The following ERMP1 variants were observed in gnomAD, a reference collection of about 807,000 sequenced individuals.
ERMP1 encodes the protein endoplasmic reticulum metallopeptidase 1.
ERMP1 carries 86 observed loss-of-function variants against 92.0 expected under a neutral mutation model. That is an observed-to-expected ratio of 0.93 (90% CI 0.79 to 1.12). ERMP1 has a LOEUF of 1.12. Ranked by LOEUF, ERMP1 falls within the 50% of genes most tolerant of loss-of-function variation. The probability of loss-of-function intolerance (pLI) is 0.00; values close to 1 mark genes in which losing one functional copy is unlikely to be tolerated. For synonymous variants in ERMP1, 530 were observed against 412.8 expected, an observed-to-expected ratio of 1.28 and a Z score of -3.44; for missense variants, 1,342 against 1,116.3, an observed-to-expected ratio of 1.20 and a Z score of -2.88.
chr9:5,844,350 C>T (rs541845645), intron 6 of ERMP1, among the ~76,000 whole-genome samples: 139 of 152,348 alleles, frequency 9.1e-4, no homozygotes, highest in South Asian at 2.3e-3. Flanking sequence ...TTTCAGTTCA[C>T]TGCAACCTCT....
At chr9:5,834,682 C>G (rs889804277), upstream of ERMP1, among the ~76,000 whole-genome samples, 7 of 138,966 alleles carry the variant, frequency 5.0e-5, no homozygotes, top group African/African-American at 1.9e-4. Flanking sequence ...AGCCCATGGT[C>G]ATAACTATAT....
intron 4 of ERMP1, among the ~76,000 whole-genome samples, chr9:5,822,961 T>A (rs1396647216): frequency 1.3e-5 from 2 of 152,196 alleles, no homozygotes; most frequent in Non-Finnish European, 2.9e-5. Context: ...TAAGTTGATA[T>A]CCTTAGAAAA....
intron 4 of ERMP1, among the ~76,000 whole-genome samples, chr9:5,818,091 G>A (rs2131253096): frequency 6.6e-6 from 1 of 151,882 alleles, no homozygotes; most frequent in Non-Finnish European, 1.5e-5. Flanking sequence ...GAGCCCAGGA[G>A]CTGGAGAACT....
At chr9:5,805,811 A>G (rs766220191) in intron 8 of ERMP1, 26 bp from the exon 9 acceptor site, 14 of 1,550,794 alleles carry the variant, frequency 9.0e-6, no homozygotes, top group Non-Finnish European at 3.5e-6. Context: ...ATATACAAGT[A>G]GTCTCATTCA....
intron 6 of ERMP1, among the ~76,000 whole-genome samples, chr9:5,839,942 C>A (rs1294379082): frequency 6.6e-6 from 1 of 152,154 alleles, no homozygotes; most frequent in Non-Finnish European, 1.5e-5. Flanking sequence ...CATTAGCAAT[C>A]CATAAGCAGA....
At chr9:5,791,256 C>A (rs1301018870) in intron 13 of ERMP1, 2 of 456,724 alleles carry the variant, frequency 4.4e-6, no homozygotes, top group South Asian at 1.5e-5. Flanking sequence ...GCTGGCAAGT[C>A]CAAAATCTGA....
chr9:5,812,171 C>T lies in ERMP1; in HGVS notation c.1068G>A (p.Lys356=). The change falls in exon 6 of 15, where the codon AAG becomes AAA. Residue 356 remains lysine, a synonymous_variant. Coordinates refer to ENST00000339450, the MANE Select transcript of ERMP1 (RefSeq NM_024896.3). ...FIENGYIYHT[K]YDTADRILTD... ...TTAGAATTCTGTCCGCTGTGTCATACTTGGTGTGATAAATGTATCCATTCT... is the reference window on the plus strand; with the variant it reads ...TTAGAATTCTGTCCGCTGTGTCATATTTGGTGTGATAAATGTATCCATTCT... 4 of 1,611,342 alleles carry T rather than the reference C, an allele frequency of 2.5e-6. No individual in the cohort carries two copies. The highest frequency in any genetic ancestry group is 3.4e-6 in the Non-Finnish European group (4 of 1,178,586).
Position 5,805,118 on chromosome 9 carries a change from G to C in ERMP1, c.1823C>G (p.Pro608Arg). Residue 608 changes from proline (P) to arginine (R), a missense_variant, in exon 10 of 15, where the codon CCT (proline) becomes CGT (arginine). By Grantham distance (103) the Pro-to-Arg change is moderately radical (BLOSUM62 -2). Coordinates refer to ENST00000339450, the MANE Select transcript of ERMP1 (RefSeq NM_024896.3). ...TTCAGAACCACTTCTCCCGAGGATA[G>C]GGGTAAACATCTCAAATACTGCCCA... ...LIWAVFEMFT[P>R]ILGRSGSEIP... The C allele has an allele frequency of 6.2e-7, 1 of 1,613,498 alleles. No homozygotes were observed. The highest frequency in any genetic ancestry group is 8.5e-7 in the Non-Finnish European group (1 of 1,179,776).
chr9:5,848,458 T>C (rs577877787), intron 6 of ERMP1, among the ~76,000 whole-genome samples: 2 of 152,298 alleles, frequency 1.3e-5, no homozygotes, highest in African/African-American at 4.8e-5. Flanking sequence ...AATACATTCG[T>C]ATTGTTCTAG....
chr9:5,809,921 C>A, intron 8 of ERMP1, 90 bp downstream of exon 8: 1 of 909,882 alleles, frequency 1.1e-6, no homozygotes, highest in Non-Finnish European at 1.7e-6. Flanking sequence ...TTTTAGCACT[C>A]AAAAGGCCAA....
intron 4 of ERMP1, among the ~76,000 whole-genome samples, chr9:5,821,713 G>A (rs571464340): frequency 1.3e-5 from 2 of 152,282 alleles, no homozygotes; most frequent in African/African-American, 4.8e-5. Context: ...TTTTTCTCTG[G>A]ATAGGAGCAG....
In ERMP1 at chr9:5,787,578, G is replaced by C. The variant is rs1827997226; in HGVS notation, c.2402C>G (p.Ser801Cys). The C allele has an allele frequency of 1.2e-6, 2 of 1,612,910 alleles. No homozygotes were observed. Among genetic ancestry groups the C allele is most frequent in the Non-Finnish European group, 1.7e-6 (2 of 1,179,614 alleles). ...CCCTTTGTGGGCTCGAACATAGAAGGACATATGGCTTGGTCCTGTAAGGTA... is the reference window on the plus strand; with the variant it reads ...CCCTTTGTGGGCTCGAACATAGAAGCACATATGGCTTGGTCCTGTAAGGTA... ...TFEATGPSHMSFYVRAHKGST... is the reference protein window; with the variant it reads ...TFEATGPSHMCFYVRAHKGST... Residue 801 changes from serine (S) to cysteine (C), a missense_variant, in exon 14 of 15, where the codon TCC (serine) becomes TGC (cysteine). Ser to Cys is a moderately radical substitution (Grantham distance 112). Transcript: ENST00000339450.
intron 5 of ERMP1, among the ~76,000 whole-genome samples, chr9:5,866,408 GATATATACA>G (rs1830663945): frequency 6.6e-6 from 1 of 152,166 alleles, no homozygotes; most frequent in Admixed American, 6.5e-5. Context: ...CTACTGTTTG[GATATATACA>G]AACAGAGCTG....
chr9:5,810,571 G>C (rs1036381018), intron 7 of ERMP1, among the ~76,000 whole-genome samples: 1 of 152,156 alleles, frequency 6.6e-6, no homozygotes, highest in African/African-American at 2.4e-5. Flanking sequence ...AGCAAGAATG[G>C]AAGGCAAAGT....
At chr9:5,824,367 A>C (rs781387508) in intron 3 of ERMP1, among the ~76,000 whole-genome samples, 2 of 152,146 alleles carry the variant, frequency 1.3e-5, no homozygotes, top group Non-Finnish European at 2.9e-5. Context: ...CGAGCTCAGG[A>C]GTTCGAGACC....
rs35593711 is a variant in ERMP1 at position 5,861,170 on chromosome 9, GGTGTGT to G, written n.3056-1565_3056-1560del. On this transcript the variant is annotated intron_variant and non_coding_transcript_variant, in intron 5 of 6. Transcript: ENST00000690753. ...GCAGTGAACCCACAATGGCTTAGGG[GGTGTGT>G]GTGTGTGTGTGTGTGTGTGTGTGTG... 7.0e-3 allele frequency among the ~76,000 whole-genome samples: 717 copies of G among 102,086 alleles called. 6 individuals carry two copies. The highest frequency in any genetic ancestry group is 0.019 in the African/African-American group (547 of 28,206). 67.0% of individuals were successfully genotyped at this position (102,086 alleles called of 152,430 possible).
intron 3 of ERMP1, among the ~76,000 whole-genome samples, chr9:5,824,235 C>T (rs983281223): frequency 2.6e-5 from 4 of 152,176 alleles, no homozygotes; most frequent in African/African-American, 7.2e-5. Flanking sequence ...TGACCATCAG[C>T]GGTGCCAAAC....
intron 5 of ERMP1, among the ~76,000 whole-genome samples, chr9:5,866,429 T>TC (rs1285183704): frequency 6.6e-6 from 1 of 152,174 alleles, no homozygotes; most frequent in Non-Finnish European, 1.5e-5. Flanking sequence ...ACAGAGCTGC[T>TC]CCTCCACACA....
In ERMP1 at chr9:5,811,228, C is replaced by A; in HGVS notation, c.1210G>T (p.Val404Leu). The A allele has an allele frequency of 6.2e-7, 1 of 1,613,604 alleles. No homozygotes were observed. The highest frequency in any genetic ancestry group is 8.5e-7 in the Non-Finnish European group (1 of 1,179,910). The change falls in exon 7 of 15, where the codon GTG becomes TTG. Residue 404 changes from valine to leucine, a missense_variant. Val to Leu is a conservative substitution (Grantham distance 32). Transcript: ENST00000339450. ...TAGGCAATGACAAACAGGCCCAGCA[C>A]ATCAAAGAAGACCATGTTTCCATGT... ...YRHGNMVFFDVLGLFVIAYPS... is the reference protein window; with the variant it reads ...YRHGNMVFFDLLGLFVIAYPS...
Sources: allele counts gnomAD v4.1 joint callset (sites outside exome capture counted in the v4.1 genomes callset), GRCh38; gene constraint gnomAD v4.1.1; transcripts MANE v1.5; gene names NCBI Gene and HGNC (gene_info 2026-07-23, HGNC 2026-07-21).